Variants in SCAI observed in about 807,000 individuals in gnomAD.
SCAI encodes the protein suppressor of cancer cell invasion, also known as protein SCAI.
In SCAI, 24 loss-of-function variants were observed where a neutral mutation model predicts 92.2. The observed-to-expected ratio is 0.26, with a 90% CI of 0.19 to 0.37. The LOEUF is 0.37. SCAI is among the 10% of genes least tolerant of loss of function. The probability of loss-of-function intolerance (pLI) is 1.00; values close to 1 mark genes in which losing one functional copy is unlikely to be tolerated. For missense variants in SCAI, 450 were observed against 736.2 expected, an observed-to-expected ratio of 0.61 and a Z score of 4.50; for synonymous variants, 261 against 258.6, an observed-to-expected ratio of 1.01 and a Z score of -0.09.
intron 17 of SCAI, among the ~76,000 whole-genome samples, chr9:124,958,915 A>AT (rs1831375901): frequency 6.6e-6 from 1 of 151,700 alleles, no homozygotes; most frequent in Non-Finnish European, 1.5e-5. Flanking sequence ...AAAAAAAAAA[A>AT]AAAAAGAACA....
intron 2 of SCAI, among the ~76,000 whole-genome samples, chr9:125,105,049 C>A (rs553006299): frequency 6.6e-6 from 1 of 151,986 alleles, no homozygotes; most frequent in East Asian, 1.9e-4. Context: ...TTCACTTCTG[C>A]TGACAGTCAA....
intron 2 of SCAI, among the ~76,000 whole-genome samples, chr9:125,093,292 G>C (rs1030753109): frequency 1.3e-5 from 2 of 151,796 alleles, no homozygotes; most frequent in African/African-American, 2.4e-5. Flanking sequence ...ACCCAGGAGG[G>C]GAAGGCTGCA....
At chr9:125,039,589 A>AG (rs1342951051) in intron 3 of SCAI, among the ~76,000 whole-genome samples, 5 of 152,172 alleles carry the variant, frequency 3.3e-5, no homozygotes, top group Non-Finnish European at 7.4e-5. Context: ...TTTTATGGGT[A>AG]GGCAATTAGA....
At chr9:125,060,525 C>G (rs1833750635) in intron 2 of SCAI, among the ~76,000 whole-genome samples, 2 of 152,096 alleles carry the variant, frequency 1.3e-5, no homozygotes, top group African/African-American at 4.8e-5. Context: ...TTTGGCCCAC[C>G]CAAATCTCAA....
chr9:125,108,589 C>G (rs1352083700), intron 2 of SCAI, among the ~76,000 whole-genome samples: 1 of 141,544 alleles, frequency 7.1e-6, no homozygotes, highest in Non-Finnish European at 1.6e-5. Context: ...GGAGCCCCTC[C>G]GCCCGGCAGC....
At chr9:124,992,858 G>A (rs899251235) in intron 14 of SCAI, among the ~76,000 whole-genome samples, 10 of 152,142 alleles carry the variant, frequency 6.6e-5, no homozygotes, top group Non-Finnish European at 1.3e-4. Flanking sequence ...TGCATTACTT[G>A]AGCAAATACA....
At chr9:124,970,879 A>G (rs1002831071) in intron 17 of SCAI, among the ~76,000 whole-genome samples, 1 of 151,848 alleles carries the variant, frequency 6.6e-6, no homozygotes, top group African/African-American at 2.4e-5. Context: ...CAGTGATGCA[A>G]TCTCTGCTCA....
chr9:125,032,738 A>T (rs1833105185), intron 3 of SCAI, among the ~76,000 whole-genome samples: 1 of 149,780 alleles, frequency 6.7e-6, no homozygotes, highest in East Asian at 2.0e-4. Context: ...CTCAGCCTCC[A>T]AAGTAGCTGG....
At chr9:125,142,567 A>C (rs1417311322) in intron 2 of SCAI, 66 bp downstream of exon 2, 9 of 1,128,778 alleles carry the variant, frequency 8.0e-6, no homozygotes, top group Non-Finnish European at 1.3e-6. Flanking sequence ...ACAATTATGC[A>C]GTACGGCACA....
At chr9:125,003,043 A>G (rs1832398510) in intron 11 of SCAI, 71 bp downstream of exon 11, 9 of 964,962 alleles carry the variant, frequency 9.3e-6, no homozygotes, top group Non-Finnish European at 1.5e-5. Context: ...TATTTTTTCA[A>G]AAGAGTGACT....
intron 17 of SCAI, among the ~76,000 whole-genome samples, chr9:124,966,823 G>T (rs1831550657): frequency 6.6e-6 from 1 of 151,108 alleles, no homozygotes; most frequent in Non-Finnish European, 1.5e-5. Flanking sequence ...ATGTTGCCCA[G>T]GCTGATCTCC....
chr9:125,008,801 A>T (rs1226088133), intron 9 of SCAI, among the ~76,000 whole-genome samples: 1 of 152,216 alleles, frequency 6.6e-6, no homozygotes, highest in Non-Finnish European at 1.5e-5. Flanking sequence ...GAGACATAAT[A>T]ACCATATTTC....
At chr9:124,991,307 A>C (rs1231728765) in intron 14 of SCAI, among the ~76,000 whole-genome samples, 1 of 130,782 alleles carries the variant, frequency 7.6e-6, no homozygotes, top group African/African-American at 2.9e-5. Context: ...AGCCGAGATC[A>C]TGCCACTGCA....
chr9:125,115,882 T>C (rs532438884), intron 2 of SCAI, among the ~76,000 whole-genome samples: 23 of 152,328 alleles, frequency 1.5e-4, no homozygotes, highest in Non-Finnish European at 3.1e-4. Flanking sequence ...GACATTTATT[T>C]GTAATTCTTC....
chr9:125,036,682 G>C (rs1272881170), intron 3 of SCAI, among the ~76,000 whole-genome samples: 1 of 152,162 alleles, frequency 6.6e-6, no homozygotes, highest in Non-Finnish European at 1.5e-5. Context: ...AGCACAAAAG[G>C]TATGTATAGA....
chr9:125,085,725 G>A (rs1477983807), intron 2 of SCAI, among the ~76,000 whole-genome samples: 1 of 152,144 alleles, frequency 6.6e-6, no homozygotes, highest in East Asian at 1.9e-4. Context: ...AGAATGCAGT[G>A]AGCCGTGATC....
rs1187921243 is a variant in SCAI, at chr9:125,101,315, G to A, written c.98+41318C>T. Among the ~76,000 whole-genome samples the A allele has an allele frequency of 2.6e-5, 4 of 152,208 alleles. 1 individual carries two copies. The highest frequency in any genetic ancestry group is 4.1e-4 in the South Asian group (2 of 4,834). On this transcript the variant is annotated intron_variant, in intron 2 of 17. Transcript: ENST00000336505. Reference sequence around the variant, plus strand: ...GTATTGGGAGACAAGAACGGAAGCAGGGAAGCCAGTTGTAAGACTGCTCTA... The same window carrying A: ...GTATTGGGAGACAAGAACGGAAGCAAGGAAGCCAGTTGTAAGACTGCTCTA...
intron 14 of SCAI, among the ~76,000 whole-genome samples, chr9:124,983,682 A>G (rs1831932773): frequency 6.6e-6 from 1 of 152,214 alleles, no homozygotes; most frequent in South Asian, 2.1e-4. Context: ...GGATGGAGAA[A>G]TGGTAGATTG....
At position 124,999,907 on chromosome 9, in the gene SCAI, G is replaced by C; in HGVS notation, c.1228C>G (p.His410Asp). Residue 410 changes from histidine to aspartate, a missense_variant, in exon 13 of 18, where the codon CAC (histidine) becomes GAC (aspartate). By Grantham distance (81) the His-to-Asp change is moderately conservative. Coordinates refer to ENST00000336505, the MANE Select transcript of SCAI (RefSeq NM_001144877.3). ...GDAIHKRNQS[H>D]KEMHCLHPGD... ...AATACATACCAGTGCATTTCCTTGT[G>C]GGACTGATTTCGTTTGTGGATGGCA... 1 of 1,564,332 alleles carries C rather than the reference G, an allele frequency of 6.4e-7. No homozygotes were observed. The highest frequency in any genetic ancestry group is 2.3e-5 in the East Asian group (1 of 43,804).
Sources: gnomAD v4.1 joint callset for allele counts (sites outside exome capture counted in the v4.1 genomes callset) on GRCh38, gnomAD v4.1.1 for gene constraint, MANE v1.5 for transcripts, NCBI Gene and HGNC (gene_info 2026-07-23, HGNC 2026-07-21) for gene names.